The following DOP1B variants were observed in gnomAD, a reference collection of about 807,000 sequenced individuals.
DOP1B encodes the protein DOP1 leucine zipper like protein B, also known as protein DOP1B.
DOP1B carries 174 observed loss-of-function variants against 233.5 expected under a neutral mutation model. The observed-to-expected ratio is 0.75, with a 90% CI of 0.66 to 0.85. The LOEUF (loss-of-function observed/expected upper bound fraction) is 0.85. Ranked by LOEUF, DOP1B falls within the 40% of genes least tolerant of loss-of-function variation. The probability of loss-of-function intolerance (pLI) is 0.00; values close to 1 mark genes in which losing one functional copy is unlikely to be tolerated. For missense variants in DOP1B, 2,652 were observed against 2,846.6 expected (o/e 0.93, Z 1.56); for synonymous variants, 1,190 against 1,185.6 (o/e 1.00, Z -0.08).
chr21:36,239,700 C>T, intron 17 of DOP1B, 65 bp from the exon 18 acceptor site: 2 of 1,468,330 alleles, frequency 1.4e-6, no homozygotes, highest in Admixed American at 4.7e-5. Flanking sequence ...TGCCCAGTGT[C>T]TGCCACGGTG....
In DOP1B at chr21:36,218,713, A is replaced by G. The variant is rs144418085; in HGVS notation, c.1130-659A>G. Among the ~76,000 whole-genome samples, 15 of 152,340 alleles carry G rather than the reference A, an allele frequency of 9.8e-5. 1 individual carries two copies. The East Asian group carries it at 2.9e-3, about 29-fold the overall frequency. Reference sequence around the variant, plus strand: ...TGATTGTGTGTTTCTGCCTTTGGATACATGGGTAAGAAGTCAGGCCCTCAG... The same window carrying G: ...TGATTGTGTGTTTCTGCCTTTGGATGCATGGGTAAGAAGTCAGGCCCTCAG... On this transcript the variant is annotated intron_variant, in intron 9 of 36. Transcript: ENST00000691173.
chr21:36,245,323 A>G lies in DOP1B; in HGVS notation c.3343A>G (p.Thr1115Ala), dbSNP rs746451902. The stretch of plus-strand genomic sequence containing the variant: ...CAGCGAGCACACCGAGTCTGCAGAT[A>G]CAAGCTCCTGCCACACGGACAGCGA... Reference protein sequence around the residue: ...DSSEHTESADTSSCHTDSENT... With the variant: ...DSSEHTESADASSCHTDSENT... The change falls in exon 19 of 37, where the codon ACA becomes GCA. Residue 1115 changes from threonine to alanine, a missense_variant. Thr to Ala is a moderately conservative substitution (Grantham distance 58). This residue lies in a region of DOP1B where 2,617 missense variants were observed against 2,794.3 expected (regional missense o/e 0.94). Transcript: ENST00000691173. The surrounding 1 kb of genome is among the most constrained non-coding windows in gnomAD (Gnocchi z 5.5). 1.4e-5 allele frequency: 23 copies of G among 1,613,978 alleles called. No homozygotes were observed. Among genetic ancestry groups the G allele is most frequent in the Admixed American group, 6.7e-5 (4 of 60,014 alleles).
At chr21:36,159,633 G>A (rs998180310) in intron 1 of DOP1B, among the ~76,000 whole-genome samples, 3 of 152,154 alleles carry the variant, frequency 2.0e-5, no homozygotes, top group African/African-American at 7.2e-5. Flanking sequence ...TCTTCATATG[G>A]CCAACCATAA....
At chr21:36,158,778 G>A (rs1234383809) in intron 1 of DOP1B, among the ~76,000 whole-genome samples, 2 of 144,714 alleles carry the variant, frequency 1.4e-5, no homozygotes, top group Non-Finnish European at 3.0e-5. Flanking sequence ...ACTCCAGCAT[G>A]GCGACAGAGC....
chr21:36,189,518 G>A (rs1325287701), intron 2 of DOP1B, among the ~76,000 whole-genome samples: 1 of 151,872 alleles, frequency 6.6e-6, no homozygotes, highest in African/African-American at 2.4e-5. Context: ...TGGATCACAA[G>A]GTCAGGAGTT....
intron 4 of DOP1B, among the ~76,000 whole-genome samples, chr21:36,206,168 T>C (rs1470116222): frequency 6.6e-6 from 1 of 152,232 alleles, no homozygotes; most frequent in East Asian, 1.9e-4. Context: ...TCATAGTTGC[T>C]GTTGTTTCTA....
intron 2 of DOP1B, among the ~76,000 whole-genome samples, chr21:36,182,935 C>A (rs1381050629): frequency 6.6e-6 from 1 of 152,158 alleles, no homozygotes; most frequent in African/African-American, 2.4e-5. Flanking sequence ...GAAATGAGCT[C>A]CTTTAGCCCT....
chr21:36,272,479 A>G (rs956475486), intron 27 of DOP1B, among the ~76,000 whole-genome samples: 3 of 151,758 alleles, frequency 2.0e-5, no homozygotes, highest in African/African-American at 4.8e-5. Context: ...GCGAAACTCC[A>G]TCTCTACTAA....
At chr21:36,169,917 G>A (rs1456788228) in intron 2 of DOP1B, 1 of 772,804 alleles carries the variant, frequency 1.3e-6, no homozygotes, top group East Asian at 2.4e-5. Flanking sequence ...AGCCCGCAAT[G>A]CCCACAACCA....
chr21:36,248,006 A>G (rs1480040110), intron 20 of DOP1B, among the ~76,000 whole-genome samples: 2 of 152,228 alleles, frequency 1.3e-5, no homozygotes, highest in African/African-American at 4.8e-5. Flanking sequence ...TTTTAGGCTT[A>G]TAGTCATCTT....
intron 4 of DOP1B, among the ~76,000 whole-genome samples, chr21:36,201,947 G>A (rs1184520112): frequency 6.6e-6 from 1 of 152,206 alleles, no homozygotes; most frequent in East Asian, 1.9e-4. Context: ...CACTTTGGGA[G>A]GCCAGAGCAG....
At chr21:36,257,753 T>TGTAG (rs763970380) in intron 23 of DOP1B, among the ~76,000 whole-genome samples, 2 of 140,572 alleles carry the variant, frequency 1.4e-5, no homozygotes, top group African/African-American at 2.8e-5. Flanking sequence ...GGTAGGTAGA[T>TGTAG]GTAGGTAGGT....
At chr21:36,236,544 A>T (rs1056061548) in intron 15 of DOP1B, among the ~76,000 whole-genome samples, 4 of 152,156 alleles carry the variant, frequency 2.6e-5, no homozygotes, top group Non-Finnish European at 5.9e-5. Context: ...CCCAGAGGGT[A>T]CATCTGTGCA....
chr21:36,204,090 A>G (rs1258053516), intron 4 of DOP1B, among the ~76,000 whole-genome samples: 1 of 152,172 alleles, frequency 6.6e-6, no homozygotes, highest in Non-Finnish European at 1.5e-5. Flanking sequence ...TTTGCCTCTC[A>G]GGGTACATTT....
intron 2 of DOP1B, among the ~76,000 whole-genome samples, chr21:36,187,101 C>G (rs532267458): frequency 6.6e-6 from 1 of 151,838 alleles, no homozygotes; most frequent in South Asian, 2.1e-4. Flanking sequence ...TGTCATTCCC[C>G]CAGCAGACGG....
rs575886472 is a variant in DOP1B at position 36,233,007 on chromosome 21, A to T, written c.2554A>T (p.Met852Leu). Residue 852 changes from methionine to leucine, a missense_variant, in exon 15 of 37, where the codon ATG (methionine) becomes TTG (leucine). By Grantham distance (15) the Met-to-Leu change is conservative (BLOSUM62 2). Transcript: ENST00000691173. ...GHNPFFGKLQ[M>L]VTVPPIAPGI... ...CAACCCTTTTTTTGGCAAGCTGCAG[A>T]TGGTGACGGTTCCTCCCATTGCTCC... is the stretch of plus-strand genomic sequence containing the variant. 1.2e-6 allele frequency: 2 copies of T among 1,614,110 alleles called. No individual in the cohort carries two copies. The highest frequency in any genetic ancestry group is 2.2e-5 in the South Asian group (2 of 91,080).
chr21:36,245,304 G>A lies in DOP1B; in HGVS notation c.3324G>A (p.Glu1108=). 1 of 1,614,118 alleles carries A rather than the reference G, an allele frequency of 6.2e-7. No individual in the cohort carries two copies. The highest frequency in any genetic ancestry group is 8.5e-7 in the Non-Finnish European group (1 of 1,180,050). ...RTAHGAPDSS[E]HTESADTSSC... ...CCCACGGCGCCCCGGACAGCAGCGA[G>A]CACACCGAGTCTGCAGATACAAGCT... Residue 1108 remains glutamate, a synonymous_variant, in exon 19 of 37, where the codon GAG becomes GAA. Coordinates refer to ENST00000691173, the MANE Select transcript of DOP1B (RefSeq NM_001320714.2). The surrounding 1 kb of genome is among the most constrained non-coding windows in gnomAD (Gnocchi z 5.5).
At chr21:36,258,928 T>C (rs1446013525) in intron 23 of DOP1B, among the ~76,000 whole-genome samples, 1 of 151,500 alleles carries the variant, frequency 6.6e-6, no homozygotes, top group Non-Finnish European at 1.5e-5. Context: ...GGCCCAGGTC[T>C]CCCAATCTTC....
intron 11 of DOP1B, among the ~76,000 whole-genome samples, chr21:36,225,298 T>G (rs1876373883): frequency 6.6e-6 from 1 of 151,876 alleles, no homozygotes; most frequent in Admixed American, 6.6e-5. Context: ...GGTGCGATCT[T>G]GTCTCACTGC....
Sources: allele counts gnomAD v4.1 joint callset (sites outside exome capture counted in the v4.1 genomes callset), GRCh38; gene constraint gnomAD v4.1.1; regional missense constraint gnomAD v4.1.1; non-coding constraint Gnocchi (gnomAD v3.1); transcripts MANE v1.5; gene names NCBI Gene and HGNC (gene_info 2026-07-23, HGNC 2026-07-21).